OR3A2: variants seen among roughly 807,000 people sequenced by gnomAD.
The protein encoded by OR3A2 is olfactory receptor family 3 subfamily A member 2, also known as olfactory receptor 3A2.
For synonymous variants in OR3A2, 126 were observed against 159.3 expected (o/e 0.79, Z 1.57); for missense variants, 318 against 392.8 (o/e 0.81, Z 1.61).
At chr17:3,321,526 T>A (rs1448718985) in intron 3 of OR3A2, among the ~76,000 whole-genome samples, 2 of 152,098 alleles carry the variant, frequency 1.3e-5, no homozygotes, top group Non-Finnish European at 2.9e-5. Context: ...TTGTCATAGA[T>A]AGCTCTTATT....
chr17:3,374,953 T>C (rs1057192997), intron 2 of OR3A2, among the ~76,000 whole-genome samples: 1 of 151,634 alleles, frequency 6.6e-6, no homozygotes, highest in Non-Finnish European at 1.5e-5. Flanking sequence ...AGTGGGAACA[T>C]ACAATGTTTG....
chr17:3,296,489 G>T (rs945575767), intron 3 of OR3A2, among the ~76,000 whole-genome samples: 1 of 151,954 alleles, frequency 6.6e-6, no homozygotes, highest in African/African-American at 2.4e-5. Context: ...TAATAAACAA[G>T]TTCAAGAAAT....
intron 2 of OR3A2, among the ~76,000 whole-genome samples, chr17:3,380,374 C>T (rs1481756188): frequency 1.3e-5 from 2 of 152,154 alleles, no homozygotes; most frequent in African/African-American, 4.8e-5. Flanking sequence ...GACTGATCCC[C>T]TGATTACTGA....
chr17:3,342,548 C>T (rs1337964944), intron 2 of OR3A2, among the ~76,000 whole-genome samples: 3 of 152,146 alleles, frequency 2.0e-5, no homozygotes, highest in East Asian at 1.9e-4. Flanking sequence ...TAGAGTTTGC[C>T]GGAAGTCCAC....
intron 2 of OR3A2, among the ~76,000 whole-genome samples, chr17:3,363,599 A>T (rs1366128491): frequency 1.3e-5 from 2 of 151,200 alleles, no homozygotes; most frequent in Admixed American, 6.6e-5. Flanking sequence ...AACTATTCCA[A>T]CCTCTGCCCA....
intron 2 of OR3A2, among the ~76,000 whole-genome samples, chr17:3,361,733 T>G (rs1437345491): frequency 6.6e-6 from 1 of 151,746 alleles, no homozygotes; most frequent in Non-Finnish European, 1.5e-5. Context: ...GATTTGTGTA[T>G]GTTGAACCAG....
intron 3 of OR3A2, among the ~76,000 whole-genome samples, chr17:3,317,232 A>G (rs2049087694): frequency 6.6e-6 from 1 of 152,242 alleles, no homozygotes; most frequent in South Asian, 2.1e-4. Flanking sequence ...AGAAGTAGCA[A>G]TAAGTGAAAC....
chr17:3,327,716 C>A (rs1381558025), intron 3 of OR3A2, among the ~76,000 whole-genome samples: 1 of 130,332 alleles, frequency 7.7e-6, no homozygotes, highest in Non-Finnish European at 1.6e-5. Flanking sequence ...TTTAATCCAT[C>A]TTGAATTGAT....
chr17:3,291,798 T>C (rs762486329), intron 3 of OR3A2: 15 of 1,613,722 alleles, frequency 9.3e-6, no homozygotes, highest in African/African-American at 1.3e-5. Flanking sequence ...CAGTCGCATA[T>C]AGTTAAAGAT....
chr17:3,322,035 T>C (rs2049127831), intron 3 of OR3A2, among the ~76,000 whole-genome samples: 1 of 152,166 alleles, frequency 6.6e-6, no homozygotes, highest in South Asian at 2.1e-4. Context: ...TGGTAAGCTA[T>C]TGATTATTGC....
chr17:3,289,930 A>G (rs950851146), intron 3 of OR3A2, among the ~76,000 whole-genome samples: 1 of 152,128 alleles, frequency 6.6e-6, no homozygotes, highest in African/African-American at 2.4e-5. Context: ...CATGACTCAA[A>G]AGGTAGGGAG....
intron 3 of OR3A2, among the ~76,000 whole-genome samples, chr17:3,326,393 A>G (rs561731781): frequency 6.6e-6 from 1 of 152,102 alleles, no homozygotes; most frequent in Non-Finnish European, 1.5e-5. Context: ...GAACATAGGC[A>G]TCGGCAAAGA....
intron 2 of OR3A2, among the ~76,000 whole-genome samples, chr17:3,368,940 A>C (rs1352300826): frequency 6.6e-6 from 1 of 152,152 alleles, no homozygotes; most frequent in East Asian, 1.9e-4. Flanking sequence ...TTCCTTGTAG[A>C]GATCTTTCAT....
Position 3,282,243 on chromosome 17 carries a change from T to G in OR3A2, c.-7+2115A>C, listed in dbSNP as rs145292344. 1.2e-4 allele frequency among the ~76,000 whole-genome samples: 19 copies of G among 152,118 alleles called. No individual in the cohort carries two copies. In the East Asian group the frequency reaches 3.3e-3, roughly 26 times the overall value. ...TCCTGGCTAACACGGTGAAACCCCA[T>G]TCAATACAAAAAATTAGCCAGGTGT... is the stretch of plus-strand genomic sequence containing the variant. On this transcript the variant is annotated intron_variant, in intron 1 of 1. Transcript: ENST00000642052.
intron 3 of OR3A2, among the ~76,000 whole-genome samples, chr17:3,329,991 G>A (rs1433969867): frequency 2.0e-4 from 30 of 146,528 alleles, no homozygotes; most frequent in Non-Finnish European, 3.6e-4. Flanking sequence ...TTCAGGAGCA[G>A]GTTGTTCAGT....
chr17:3,293,153 T>TAAA lies in OR3A2; in HGVS notation c.-84-14003_-84-14001dup, dbSNP rs35282171. On this transcript the variant is annotated intron_variant, in intron 3 of 4. Coordinates refer to the OR3A2 transcript ENST00000573491. ...AAGAGTTAAATGAGTATAATTCTCT[T>TAAA]AAAAAAAAAAAAAGGGTGGGTAGGG... Among the ~76,000 whole-genome samples the TAAA allele has an allele frequency of 7.5e-4, 106 of 140,986 alleles. 1 individual carries two copies. Among genetic ancestry groups the TAAA allele is most frequent in the South Asian group, 2.6e-3 (12 of 4,532 alleles). 92.5% of individuals were successfully genotyped at this position (140,986 alleles called of 152,430 possible).
intron 2 of OR3A2, among the ~76,000 whole-genome samples, chr17:3,359,346 T>G (rs990272278): frequency 1.3e-5 from 2 of 151,754 alleles, no homozygotes; most frequent in Non-Finnish European, 2.9e-5. Flanking sequence ...CTTGGCTTCT[T>G]TGTGTGGTTG....
intron 2 of OR3A2, among the ~76,000 whole-genome samples, chr17:3,339,800 G>T (rs534930849): frequency 6.6e-6 from 1 of 152,272 alleles, no homozygotes; most frequent in East Asian, 1.9e-4. Flanking sequence ...ATGAGTTAGG[G>T]TGGATTCCCT....
chr17:3,322,651 G>C (rs577660364), intron 3 of OR3A2, among the ~76,000 whole-genome samples: 2 of 152,262 alleles, frequency 1.3e-5, no homozygotes, highest in African/African-American at 4.8e-5. Context: ...TTCAGGAGCA[G>C]GTTGTTCAGT....
Sources: gnomAD v4.1 joint callset for allele counts (sites outside exome capture counted in the v4.1 genomes callset) on GRCh38, gnomAD v4.1.1 for gene constraint, MANE v1.5 for transcripts, NCBI Gene and HGNC (gene_info 2026-07-23, HGNC 2026-07-21) for gene names.